TLN2: variants seen among roughly 807,000 people sequenced by gnomAD.
TLN2 encodes the protein talin-2.
A neutral mutation model predicts 294.7 loss-of-function variants in TLN2; 118 were observed. That is an observed-to-expected ratio of 0.40 (90% CI 0.34 to 0.47). TLN2 has a LOEUF of 0.47. Ranked by LOEUF, TLN2 falls within the 20% of genes least tolerant of loss-of-function variation. The probability of loss-of-function intolerance (pLI) is 0.84; values close to 1 mark genes in which losing one functional copy is unlikely to be tolerated. For missense variants in TLN2, 3,083 were observed against 3,282.2 expected (o/e 0.94, Z 1.48); for synonymous variants, 1,431 against 1,304.5 (o/e 1.10, Z -2.09).
chr15:62,698,937 G>A lies in TLN2; in HGVS notation c.1587+70G>A, dbSNP rs150748839. On this transcript the variant is annotated intron_variant, in intron 16 of 58. Coordinates refer to ENST00000636159, the MANE Select transcript of TLN2 (RefSeq NM_015059.3). Reference sequence around the variant, plus strand: ...AGAAAGCAGGGTTATATACTCTGTCGGGATTCATCTAGGTAAATTTCTATC... The same window carrying A: ...AGAAAGCAGGGTTATATACTCTGTCAGGATTCATCTAGGTAAATTTCTATC... 440 of 1,401,408 alleles carry A rather than the reference G, an allele frequency of 3.1e-4. 3 individuals are homozygous for A. The African/African-American group carries it at 4.9e-3, about 16-fold the overall frequency. 86.8% of individuals were successfully genotyped at this position (1,401,408 alleles called of 1,614,324 possible). A position where few individuals can be genotyped will look rare whatever the true frequency, so the allele number is the denominator to read the frequency against.
intron 1 of TLN2, among the ~76,000 whole-genome samples, chr15:62,510,773 G>A (rs568306627): frequency 6.6e-6 from 1 of 152,188 alleles, no homozygotes; most frequent in Non-Finnish European, 1.5e-5. Context: ...AGTGCCTCCA[G>A]GTCCTTGGAA....
chr15:62,658,384 C>A (rs1293654989), intron 9 of TLN2, among the ~76,000 whole-genome samples: 1 of 152,122 alleles, frequency 6.6e-6, no homozygotes, highest in East Asian at 1.9e-4. Context: ...GCCCTTGACC[C>A]CAGTTTCACT....
intron 22 of TLN2, among the ~76,000 whole-genome samples, chr15:62,714,842 A>C (rs547155366): frequency 1.1e-4 from 16 of 152,318 alleles, no homozygotes; most frequent in African/African-American, 3.4e-4. Flanking sequence ...ATTCATCATA[A>C]AAAAAGACAT....
At chr15:62,464,724 T>C (rs1197062339) in intron 1 of TLN2, among the ~76,000 whole-genome samples, 2 of 152,172 alleles carry the variant, frequency 1.3e-5, no homozygotes, top group African/African-American at 4.8e-5. Flanking sequence ...CTTTTATTCT[T>C]GTTCATGTTA....
chr15:62,653,438 A>G (rs1359693649), intron 7 of TLN2, 124 bp downstream of exon 7: 3 of 1,245,922 alleles, frequency 2.4e-6, no homozygotes, highest in Non-Finnish European at 2.1e-6. Context: ...CTATTTTAAA[A>G]AAGTAGGCTG....
At chr15:62,707,043 T>G (rs2059118325) in intron 19 of TLN2, 43 bp from the exon 20 acceptor site, 5 of 1,561,422 alleles carry the variant, frequency 3.2e-6, no homozygotes, top group South Asian at 1.2e-5. Context: ...TGAAAGGTGA[T>G]TAGAGAAAAA....
intron 52 of TLN2, among the ~76,000 whole-genome samples, chr15:62,816,013 A>G (rs2067085879): frequency 6.6e-6 from 1 of 152,222 alleles, no homozygotes. Context: ...CATCAAAGAA[A>G]CATCAGCACA....
chr15:62,740,911 T>C (rs1366150998), intron 32 of TLN2, 142 bp downstream of exon 32: 2 of 1,001,276 alleles, frequency 2.0e-6, no homozygotes, highest in Non-Finnish European at 2.9e-6. Flanking sequence ...CTGAGAGTGA[T>C]GGACACTCTG....
At chr15:62,548,260 G>T (rs1449780365) in intron 1 of TLN2, among the ~76,000 whole-genome samples, 5 of 152,164 alleles carry the variant, frequency 3.3e-5, no homozygotes, top group Admixed American at 6.5e-5. Context: ...ACACACAAAT[G>T]AGGAGCTAGG....
intron 4 of TLN2, 141 bp downstream of exon 4, chr15:62,647,587 C>G: frequency 1.7e-6 from 2 of 1,154,118 alleles, no homozygotes; most frequent in South Asian, 3.0e-5. Context: ...AGATCAGACA[C>G]TACCTGCTTC....
At chr15:62,575,273 T>C (rs1266143430) in intron 1 of TLN2, among the ~76,000 whole-genome samples, 2 of 152,182 alleles carry the variant, frequency 1.3e-5, no homozygotes, top group Non-Finnish European at 2.9e-5. Context: ...TGAGCCGAGA[T>C]TGTGCCATAG....
At chr15:62,673,958 C>A (rs2055815224) in intron 10 of TLN2, 68 bp downstream of exon 10, 2 of 1,259,968 alleles carry the variant, frequency 1.6e-6, no homozygotes, top group Admixed American at 1.8e-5. Context: ...TGTGAGGGGG[C>A]CTCTGCGCAT....
chr15:62,680,390 A>G (rs956282231), intron 11 of TLN2, among the ~76,000 whole-genome samples: 1 of 152,166 alleles, frequency 6.6e-6, no homozygotes, highest in African/African-American at 2.4e-5. Flanking sequence ...TATGTACACA[A>G]TCATTTTAAT....
At chr15:62,767,442 G>A (rs1363604682) in intron 41 of TLN2, among the ~76,000 whole-genome samples, 1 of 151,822 alleles carries the variant, frequency 6.6e-6, no homozygotes, top group Non-Finnish European at 1.5e-5. Context: ...CCCGGGTTCA[G>A]TCAATTCTCC....
intron 1 of TLN2, among the ~76,000 whole-genome samples, chr15:62,455,776 C>G (rs2036440730): frequency 6.6e-6 from 1 of 152,204 alleles, no homozygotes; most frequent in Non-Finnish European, 1.5e-5. Flanking sequence ...GGGCCCTTTT[C>G]CAGTCCCCTT....
chr15:62,647,533 A>G, intron 4 of TLN2, 87 bp downstream of exon 4: 2 of 1,571,060 alleles, frequency 1.3e-6, no homozygotes, highest in Non-Finnish European at 1.7e-6. Flanking sequence ...TCCAAGTGGT[A>G]CACAAGCCTA....
chr15:62,679,721 G>A (rs1219344229), intron 11 of TLN2, among the ~76,000 whole-genome samples: 3 of 152,174 alleles, frequency 2.0e-5, no homozygotes, highest in South Asian at 2.1e-4. Context: ...CAGAAAGGTC[G>A]TATGTGCTCT....
At chr15:62,472,579 A>G (rs2037541811) in intron 1 of TLN2, among the ~76,000 whole-genome samples, 1 of 152,206 alleles carries the variant, frequency 6.6e-6, no homozygotes, top group Non-Finnish European at 1.5e-5. Context: ...ATTTTTGGCT[A>G]TTGTAACTAA....
At chr15:62,443,117 C>A (rs1235983354) in intron 1 of TLN2, among the ~76,000 whole-genome samples, 3 of 152,238 alleles carry the variant, frequency 2.0e-5, no homozygotes, top group African/African-American at 7.2e-5. Flanking sequence ...CCTCCTCAAT[C>A]ATGTTTGCAA....
Sources: allele counts gnomAD v4.1 joint callset (sites outside exome capture counted in the v4.1 genomes callset), GRCh38; gene constraint gnomAD v4.1.1; transcripts MANE v1.5; gene names NCBI Gene and HGNC (gene_info 2026-07-23, HGNC 2026-07-21).